Variants in PCDH15 observed in about 807,000 individuals in gnomAD.
The protein encoded by PCDH15 is protocadherin related 15.
A neutral mutation model predicts 178.5 loss-of-function variants in PCDH15; 129 were observed. The ratio of observed to expected loss-of-function variants is 0.72; its 90% CI spans 0.63 to 0.84. The LOEUF (loss-of-function observed/expected upper bound fraction) is 0.84. Ranked by LOEUF, PCDH15 falls within the 40% of genes least tolerant of loss-of-function variation. The pLI, the probability that PCDH15 is intolerant of heterozygous loss-of-function variation, is 0.00. For synonymous variants in PCDH15, 800 were observed against 732.0 expected, an observed-to-expected ratio of 1.09 and a Z score of -1.50; for missense variants, 2,230 against 2,099.9, an observed-to-expected ratio of 1.06 and a Z score of -1.21.
intron 2 of PCDH15, chr10:55,627,592 G>A (rs373865917): frequency 2.0e-5 from 3 of 152,208 alleles, no homozygotes; most frequent in African/African-American, 7.2e-5. Context: ...TTGGAATCTG[G>A]GCTGAGAATC....
chr10:53,986,354 A>T (rs1044493872), intron 21 of PCDH15, among the ~76,000 whole-genome samples: 2 of 152,234 alleles, frequency 1.3e-5, no homozygotes, highest in Admixed American at 1.3e-4. Flanking sequence ...AAATTGCTAC[A>T]CTTGTGCATT....
intron 1 of PCDH15, among the ~76,000 whole-genome samples, chr10:54,736,847 T>G (rs1344555865): frequency 6.6e-6 from 1 of 151,934 alleles, no homozygotes; most frequent in Non-Finnish European, 1.5e-5. Flanking sequence ...GCAAGCAGGG[T>G]CAATATGACA....
At chr10:54,821,277 A>G (rs1169295238) in intron 3 of PCDH15, among the ~76,000 whole-genome samples, 1 of 152,058 alleles carries the variant, frequency 6.6e-6, no homozygotes, top group African/African-American at 2.4e-5. Flanking sequence ...AATGTTAAAT[A>G]CCTAAGTATA....
At chr10:54,867,407 C>G (rs1236686644) in intron 3 of PCDH15, among the ~76,000 whole-genome samples, 2 of 152,000 alleles carry the variant, frequency 1.3e-5, no homozygotes, top group East Asian at 3.9e-4. Flanking sequence ...CATCCTAATT[C>G]TAGGCATTTC....
At chr10:53,979,811 A>G (rs187002346) in intron 21 of PCDH15, among the ~76,000 whole-genome samples, 9 of 152,156 alleles carry the variant, frequency 5.9e-5, no homozygotes, top group Non-Finnish European at 1.0e-4. Flanking sequence ...AGACTTTAAA[A>G]CTCACTGCAG....
At chr10:53,846,023 T>TACACACACACAA (rs1554829213) in intron 28 of PCDH15, among the ~76,000 whole-genome samples, 7 of 147,042 alleles carry the variant, frequency 4.8e-5, no homozygotes, top group Non-Finnish European at 1.1e-4. Flanking sequence ...TGTATGTGTA[T>TACACACACACAA]ACACACACAC....
chr10:54,328,348 G>A (rs1938640634), intron 7 of PCDH15, among the ~76,000 whole-genome samples: 1 of 151,906 alleles, frequency 6.6e-6, no homozygotes, highest in Non-Finnish European at 1.5e-5. Flanking sequence ...AAAAACGTAA[G>A]CTTGTCACTT....
chr10:54,314,626 C>A (rs781543930), intron 8 of PCDH15, among the ~76,000 whole-genome samples: 2 of 151,976 alleles, frequency 1.3e-5, no homozygotes, highest in Non-Finnish European at 2.9e-5. Flanking sequence ...TAGATTATTG[C>A]GTCACCCAGT....
At chr10:55,120,611 AG>A (rs1318867465) in intron 2 of PCDH15, among the ~76,000 whole-genome samples, 32 of 152,310 alleles carry the variant, frequency 2.1e-4, no homozygotes, top group African/African-American at 7.7e-4. Context: ...ACAACTACCA[AG>A]AGAAAGATGT....
intron 2 of PCDH15, among the ~76,000 whole-genome samples, chr10:55,404,737 A>T (rs1838157477): frequency 6.6e-6 from 1 of 151,946 alleles, no homozygotes; most frequent in Admixed American, 6.6e-5. Flanking sequence ...AAAAATATAG[A>T]TGCTTAATTT....
intron 23 of PCDH15, among the ~76,000 whole-genome samples, chr10:53,941,588 C>A (rs1452427774): frequency 6.6e-6 from 1 of 152,122 alleles, no homozygotes; most frequent in Non-Finnish European, 1.5e-5. Context: ...TGGTTGCTTC[C>A]AAGTTTTGGC....
At chr10:54,147,446 A>G (rs532859048) in intron 14 of PCDH15, among the ~76,000 whole-genome samples, 229 of 152,012 alleles carry the variant, frequency 1.5e-3, no homozygotes, top group African/African-American at 5.4e-3. Flanking sequence ...TTGTATTGAT[A>G]ATTATAGACA....
chr10:53,932,491 A>G (rs2085151232), intron 25 of PCDH15, among the ~76,000 whole-genome samples: 1 of 152,176 alleles, frequency 6.6e-6, no homozygotes, highest in African/African-American at 2.4e-5. Flanking sequence ...TTGCTGTGCT[A>G]GGCCAACATA....
intron 2 of PCDH15, among the ~76,000 whole-genome samples, chr10:55,509,361 A>T (rs1375245257): frequency 1.3e-5 from 2 of 151,908 alleles, no homozygotes; most frequent in Middle Eastern, 6.8e-3. Context: ...ACCAAAACCT[A>T]AAAACGAAAT....
intron 2 of PCDH15, among the ~76,000 whole-genome samples, chr10:54,561,261 A>AT (rs2088103948): frequency 2.0e-5 from 3 of 152,100 alleles, no homozygotes; most frequent in Admixed American, 2.0e-4. Context: ...CATGAAAGGG[A>AT]TTTTCCACAT....
chr10:54,391,095 ATATACATTCTCAAG>A (rs1027564873), intron 3 of PCDH15, among the ~76,000 whole-genome samples: 4 of 152,234 alleles, frequency 2.6e-5, no homozygotes, highest in Non-Finnish European at 5.9e-5. Context: ...CATTTTCCCT[ATATACATTCTCAAG>A]TATATAGAGA....
chr10:55,612,990 A>C (rs1297892741), intron 2 of PCDH15, among the ~76,000 whole-genome samples: 1 of 146,626 alleles, frequency 6.8e-6, no homozygotes, highest in Non-Finnish European at 1.5e-5. Flanking sequence ...AAAAGTTGAG[A>C]CTCTCCAATA....
chr10:54,976,817 C>T (rs1038460357), intron 2 of PCDH15, among the ~76,000 whole-genome samples: 1 of 151,966 alleles, frequency 6.6e-6, no homozygotes, highest in African/African-American at 2.4e-5. Flanking sequence ...GGTTTCAGCC[C>T]CCATATAAGG....
chr10:54,564,412 T>C (rs540801196), intron 2 of PCDH15, among the ~76,000 whole-genome samples: 2 of 152,202 alleles, frequency 1.3e-5, no homozygotes, highest in Admixed American at 6.5e-5. Context: ...TACCATGTTA[T>C]GAGTAGCAGA....
Sources: gnomAD v4.1 joint callset for allele counts (sites outside exome capture counted in the v4.1 genomes callset) on GRCh38, gnomAD v4.1.1 for gene constraint, MANE v1.5 for transcripts, NCBI Gene and HGNC (gene_info 2026-07-23, HGNC 2026-07-21) for gene names.